NNT: variants seen among roughly 807,000 people sequenced by gnomAD.
The protein encoded by NNT is NAD(P) transhydrogenase, mitochondrial.
In NNT, 50 loss-of-function variants were observed where a neutral mutation model predicts 104.8. The observed-to-expected ratio is 0.48, with a 90% confidence interval of 0.38 to 0.60. The LOEUF (loss-of-function observed/expected upper bound fraction) is 0.60, where lower values mean the gene tolerates loss of function less well. Ranked by LOEUF, NNT falls within the 20% of genes least tolerant of loss-of-function variation. The pLI, the probability that NNT is intolerant of heterozygous loss-of-function variation, is 0.00. For missense variants in NNT, 1,131 were observed against 1,330.7 expected, an observed-to-expected ratio of 0.85 and a Z score of 2.33; for synonymous variants, 461 against 490.4, an observed-to-expected ratio of 0.94 and a Z score of 0.79.
At chr5:43,659,960 G>A (rs776292808) in intron 17 of NNT, among the ~76,000 whole-genome samples, 53 of 152,066 alleles carry the variant, frequency 3.5e-4, no homozygotes, top group Non-Finnish European at 5.3e-4. Context: ...TTGTCTGATC[G>A]TGTTGTATAT....
At position 43,640,840 on chromosome 5, in the gene NNT, T is replaced by C. The variant is rs7716224; in HGVS notation, c.965-3352T>C. 9.2e-3 allele frequency among the ~76,000 whole-genome samples: 1,394 copies of C among 150,812 alleles called. 13 individuals carry two copies. Among genetic ancestry groups the C allele is most frequent in the African/African-American group, 0.032 (1,304 of 41,318 alleles). On this transcript the variant is annotated intron_variant, in intron 7 of 21. Transcript: ENST00000344920. ...ATCATATATACACATATATAATATA[T>C]ACATTTTCATATACATCATATATAT...
intron 2 of NNT, among the ~76,000 whole-genome samples, chr5:43,609,926 C>T (rs529346436): frequency 6.6e-6 from 1 of 152,162 alleles, no homozygotes; most frequent in South Asian, 2.1e-4. Flanking sequence ...ACTGATGCAC[C>T]AGTCTTCTAA....
chr5:43,681,401 T>C (rs892273473), intron 19 of NNT, among the ~76,000 whole-genome samples: 3 of 152,070 alleles, frequency 2.0e-5, no homozygotes, highest in Non-Finnish European at 4.4e-5. Context: ...TTTTTTTAAT[T>C]ATTATTTTGT....
intron 10 of NNT, chr5:43,648,427 C>T (rs575402371): frequency 2.9e-4 from 47 of 163,202 alleles, no homozygotes; most frequent in Non-Finnish European, 2.8e-4. Flanking sequence ...TCAAGGAAGG[C>T]GATAATTAAA....
chr5:43,612,446 C>T (rs1014107749), intron 2 of NNT, among the ~76,000 whole-genome samples: 1 of 152,068 alleles, frequency 6.6e-6, no homozygotes, highest in Admixed American at 6.6e-5. Context: ...GGCCAAATTG[C>T]CTGGAAGGGA....
chr5:43,630,491 A>G (rs1750618190), intron 7 of NNT, among the ~76,000 whole-genome samples: 1 of 152,142 alleles, frequency 6.6e-6, no homozygotes, highest in Non-Finnish European at 1.5e-5. Context: ...TTCAGTGTAT[A>G]TTTTTACTTA....
At chr5:43,702,380 A>G (rs559502192) in intron 20 of NNT, among the ~76,000 whole-genome samples, 1 of 152,336 alleles carries the variant, frequency 6.6e-6, no homozygotes, top group South Asian at 2.1e-4. Flanking sequence ...GAAGCATAAT[A>G]ATGCAGGCTG....
chr5:43,692,348 G>C (rs1017493429), intron 19 of NNT, among the ~76,000 whole-genome samples: 1 of 152,032 alleles, frequency 6.6e-6, no homozygotes, highest in Non-Finnish European at 1.5e-5. Flanking sequence ...TTTTGAGATG[G>C]AGTTTTGCTT....
chr5:43,702,809 A>T, intron 21 of NNT, 73 bp downstream of exon 21: 1 of 1,085,048 alleles, frequency 9.2e-7, no homozygotes, highest in Non-Finnish European at 1.3e-6. Context: ...ACTTTCTTTG[A>T]TCATTTGATA....
At chr5:43,638,485 G>T (rs568324142) in intron 7 of NNT, among the ~76,000 whole-genome samples, 1 of 152,112 alleles carries the variant, frequency 6.6e-6, no homozygotes, top group African/African-American at 2.4e-5. Context: ...TTCTTTACCT[G>T]CTCTATTTTA....
intron 17 of NNT, chr5:43,666,685 C>T: frequency 1.3e-6 from 1 of 790,584 alleles, no homozygotes; most frequent in Non-Finnish European, 2.0e-6. Flanking sequence ...CAGGAGGACC[C>T]CAGCCCCATG....
At chr5:43,648,136 G>C (rs1739551899) in intron 10 of NNT, 2 of 1,177,548 alleles carry the variant, frequency 1.7e-6, no homozygotes, top group Non-Finnish European at 2.1e-6. Flanking sequence ...TCTCTCACCA[G>C]ATGGTTAATG....
intron 19 of NNT, among the ~76,000 whole-genome samples, chr5:43,684,086 C>G (rs1029994596): frequency 6.6e-5 from 10 of 152,098 alleles, no homozygotes; most frequent in African/African-American, 2.2e-4. Flanking sequence ...GTGTCACAGG[C>G]CACATGTACA....
At chr5:43,692,470 C>A (rs1260926750) in intron 19 of NNT, among the ~76,000 whole-genome samples, 5 of 152,232 alleles carry the variant, frequency 3.3e-5, no homozygotes, top group Non-Finnish European at 5.9e-5. Flanking sequence ...GTTACAGGCA[C>A]CCACCACCAT....
At chr5:43,606,743 C>T (rs997463086) in intron 1 of NNT, among the ~76,000 whole-genome samples, 22 of 152,038 alleles carry the variant, frequency 1.4e-4, no homozygotes, top group Non-Finnish European at 7.4e-5. Context: ...GCTTGTGTTA[C>T]TCTGTTACTC....
intron 17 of NNT, among the ~76,000 whole-genome samples, chr5:43,665,556 G>T (rs1285592128): frequency 6.6e-6 from 1 of 152,128 alleles, no homozygotes; most frequent in Non-Finnish European, 1.5e-5. Flanking sequence ...TGGGGGCAAG[G>T]TCATAGATTT....
At chr5:43,658,526 C>G (rs1740179620) in intron 16 of NNT, among the ~76,000 whole-genome samples, 1 of 152,160 alleles carries the variant, frequency 6.6e-6, no homozygotes, top group Non-Finnish European at 1.5e-5. Flanking sequence ...TGGCTAAACT[C>G]AAATTCCAAA....
chr5:43,662,482 G>A (rs1021808896), intron 17 of NNT, among the ~76,000 whole-genome samples: 2 of 151,796 alleles, frequency 1.3e-5, no homozygotes, highest in African/African-American at 4.8e-5. Context: ...TAGATATTTT[G>A]TACTCCTATT....
At chr5:43,668,398 T>A (rs181984886) in intron 17 of NNT, among the ~76,000 whole-genome samples, 1 of 152,192 alleles carries the variant, frequency 6.6e-6, no homozygotes, top group East Asian at 1.9e-4. Flanking sequence ...TCTTCTGGGG[T>A]TTTTATGATT....
Sources: gnomAD v4.1 joint callset for allele counts (sites outside exome capture counted in the v4.1 genomes callset) on GRCh38, gnomAD v4.1.1 for gene constraint, MANE v1.5 for transcripts, NCBI Gene and HGNC (gene_info 2026-07-23, HGNC 2026-07-21) for gene names.